The following CCNL2 variants were observed in gnomAD, a reference collection of about 807,000 sequenced individuals.
The protein encoded by CCNL2 is cyclin L2.
Under a neutral mutation model 59.1 loss-of-function variants are expected in CCNL2, and 28 were observed. The ratio of observed to expected loss-of-function variants is 0.47; its 90% CI spans 0.35 to 0.65. CCNL2 has a LOEUF of 0.65. Ranked by LOEUF, CCNL2 falls within the 30% of genes least tolerant of loss-of-function variation. The pLI is 0.00. For missense variants in CCNL2, 714 were observed against 717.4 expected (o/e 1.00, Z 0.05); for synonymous variants, 342 against 288.6 (o/e 1.19, Z -1.88).
At position 1,388,084 on chromosome 1, in the gene CCNL2, G is replaced by A. The variant is rs369333066; in HGVS notation, c.1007-19C>T. 41 of 1,592,308 alleles carry A rather than the reference G, an allele frequency of 2.6e-5. No homozygotes were observed. The highest frequency in any genetic ancestry group is 2.5e-4 in the Admixed American group (15 of 59,960). The stretch of plus-strand genomic sequence containing the variant: ...GATTCCACTAGAATCAGAACAAGAG[G>A]TTAAAAGCCAACCACAAAACACTCT... On this transcript the variant is annotated intron_variant, in intron 8 of 10. Transcript: ENST00000400809.
At chr1:1,393,521 TGTG>T in intron 4 of CCNL2, 61 bp from the exon 5 acceptor site, 1 of 1,436,004 alleles carries the variant, frequency 7.0e-7, no homozygotes, top group South Asian at 1.1e-5. Context: ...ATTCAGATCT[TGTG>T]GGTGTCCATG....
Position 1,386,089 on chromosome 1 carries a change from G to C in CCNL2, c.*1142C>G, listed in dbSNP as rs898434439. On this transcript the variant is annotated 3_prime_UTR_variant, in exon 11 of 11. Transcript: ENST00000400809. The stretch of plus-strand genomic sequence containing the variant: ...CCCCAAAACCAAAACTGTGTCCACG[G>C]TAAGAGGCAGCTGATGACAGTGGGG... The C allele has an allele frequency of 2.0e-5, 3 of 152,408 alleles. No homozygotes were observed. The East Asian group carries it at 5.8e-4, about 29-fold the overall frequency. 9.4% of individuals were successfully genotyped at this position (152,408 alleles called of 1,614,324 possible).
intron 3 of CCNL2, 48 bp downstream of exon 3, chr1:1,398,185 A>G (rs924494943): frequency 3.3e-5 from 52 of 1,557,514 alleles, no homozygotes; most frequent in Non-Finnish European, 4.4e-5. Context: ...AATCAGAAAT[A>G]AAGAAAATAG....
In CCNL2 at chr1:1,387,456, GGAGCCCCGAATCTCA is replaced by G. The variant is rs1326477120; in HGVS notation, c.1323_1337del (p.Glu442_Ser446del). On this transcript the variant is annotated inframe_deletion, in exon 11 of 11. Coordinates refer to ENST00000400809, the MANE Select transcript of CCNL2 (RefSeq NM_030937.6). ...GGTACTTGCAGTCCTTGGACTTCCGGGAGCCCCGAATCTCAGAGCCTTTGTAGGGAGCGCTGCGGG... is the reference window on the plus strand; with the variant it reads ...GGTACTTGCAGTCCTTGGACTTCCGGGAGCCTTTGTAGGGAGCGCTGCGGG... 2 of 1,613,364 alleles carry G rather than the reference GGAGCCCCGAATCTCA, an allele frequency of 1.2e-6. No individual in the cohort carries two copies. Among genetic ancestry groups the G allele is most frequent in the Non-Finnish European group, 1.7e-6 (2 of 1,179,926 alleles).
chr1:1,395,135 C>G (rs142123258), intron 4 of CCNL2: 15 of 421,410 alleles, frequency 3.6e-5, no homozygotes, highest in African/African-American at 2.8e-4. Context: ...CATTTATAAA[C>G]TCACCACTAT....
At position 1,390,832 on chromosome 1, in the gene CCNL2, G is replaced by C; in HGVS notation, c.693C>G (p.Val231=). The change falls in exon 6 of 11, where the codon GTC becomes GTG. Residue 231 remains valine, a synonymous_variant. Coordinates refer to ENST00000400809, the MANE Select transcript of CCNL2 (RefSeq NM_030937.6). The part of the protein sequence containing the change: ...NYMNDSLRTD[V]FVRFQPESIA... ...TGCTCTCTGGCTGGAACCGCACGAA[G>C]ACGTCGGTGCGAAGGCTGTCGTTCA... is the stretch of plus-strand genomic sequence containing the variant. The C allele has an allele frequency of 6.2e-7, 1 of 1,614,194 alleles. No homozygotes were observed. The highest frequency in any genetic ancestry group is 1.1e-5 in the South Asian group (1 of 91,086).
At chr1:1,392,321 C>A in intron 5 of CCNL2, 1 of 989,884 alleles carries the variant, frequency 1.0e-6, no homozygotes, top group Non-Finnish European at 1.2e-6. Context: ...TGAAGTGATA[C>A]AATATTTTTC....
chr1:1,395,677 C>A lies in CCNL2; in HGVS notation c.474-163G>T, dbSNP rs368586687. 6.5e-6 allele frequency: 6 copies of A among 928,114 alleles called. No homozygotes were observed. The African/African-American group carries it at 6.6e-5, about 10-fold the overall frequency. The allele number at this position is 928,114 out of a possible 1,614,324, so 57.5% of individuals were successfully genotyped here. On this transcript the variant is annotated intron_variant, in intron 3 of 10. Transcript: ENST00000400809. ...GAACAAAACTGCACACCGCTCCCCA[C>A]AGCCCAGTGCCAACCTCCTCATCCC...
At chr1:1,398,998 G>A (rs768371172) in intron 1 of CCNL2, 21 bp downstream of exon 1, 7 of 1,578,268 alleles carry the variant, frequency 4.4e-6, no homozygotes, top group South Asian at 1.1e-5. Flanking sequence ...CTGGGCCGGA[G>A]GCTCGCGGCC....
rs1645180651 is a variant in CCNL2, at chr1:1,398,564, T to C, written c.363+33A>G. On this transcript the variant is annotated intron_variant, in intron 2 of 10. Transcript: ENST00000400809. ...CAAACCGTTTTACCCTCAACATACT[T>C]CGCTGGGAATGAAGTGCAGGAGGAA... 3.7e-6 allele frequency: 6 copies of C among 1,606,450 alleles called. No individual in the cohort carries two copies. The East Asian group carries it at 1.3e-4, about 36-fold the overall frequency.
chr1:1,397,034 A>C (rs1373779596), intron 3 of CCNL2, among the ~76,000 whole-genome samples: 1 of 152,126 alleles, frequency 6.6e-6, no homozygotes, highest in Non-Finnish European at 1.5e-5. Context: ...GGCGTGAGCC[A>C]CTGCACCTGG....
intron 4 of CCNL2, among the ~76,000 whole-genome samples, chr1:1,393,708 T>C (rs1644864935): frequency 6.6e-6 from 1 of 152,242 alleles, no homozygotes; most frequent in Non-Finnish European, 1.5e-5. Flanking sequence ...TCGTTCTTCA[T>C]GGGGCTGGTT....
Position 1,390,297 on chromosome 1 carries a change from C to A in CCNL2, c.939G>T (p.Arg313=). The A allele has an allele frequency of 6.2e-7, 1 of 1,613,948 alleles. No homozygotes were observed. The part of the protein sequence containing the change: ...HAIEEAKAQA[R]GLLPGGTQVL... ...CCTGTGTGCCCCCAGGCAACAGGCC[C>A]CGGGCTTGGGCCTTTGCCTCTTCGA... The change falls in exon 8 of 11, where the codon CGG becomes CGT. Residue 313 remains arginine (R), a synonymous_variant. Coordinates refer to ENST00000400809, the MANE Select transcript of CCNL2 (RefSeq NM_030937.6).
chr1:1,391,970 C>T (rs1242083556), intron 5 of CCNL2: 1 of 182,564 alleles, frequency 5.5e-6, no homozygotes, highest in Non-Finnish European at 1.2e-5. Flanking sequence ...TGACCCATGA[C>T]CTTCCAGCAA....
In CCNL2 at chr1:1,387,385, C is replaced by T. The variant is rs201055911; in HGVS notation, c.1409G>A (p.Arg470Gln). The T allele has an allele frequency of 6.2e-5, 100 of 1,614,184 alleles. No individual in the cohort carries two copies. Among genetic ancestry groups the T allele is most frequent in the African/African-American group, 5.2e-4 (39 of 75,068 alleles). Reference protein sequence around the residue: ...KSRSRSSSRSRSRSRERADNP... With the variant: ...KSRSRSSSRSQSRSRERADNP... ...ATCCGCCCGCTCCCGTGACCTGCTT[C>T]GAGAACGGGAAGAACTCCGGCTCCG... Residue 470 changes from arginine to glutamine, a missense_variant, in exon 11 of 11, where the codon CGA (arginine) becomes CAA (glutamine). Coordinates refer to ENST00000400809, the MANE Select transcript of CCNL2 (RefSeq NM_030937.6).
intron 5 of CCNL2, chr1:1,391,559 C>T: frequency 1.5e-6 from 2 of 1,305,170 alleles, no homozygotes; most frequent in South Asian, 2.5e-5. Flanking sequence ...GCCAACTGTC[C>T]CATTTCAACA....
At chr1:1,391,611 AATACTGAGAAGCAACATG>A (rs776009359) in intron 5 of CCNL2, 52 of 1,219,476 alleles carry the variant, frequency 4.3e-5, no homozygotes, top group East Asian at 1.1e-4. Context: ...GAAGCAACAC[AATACTGAGAAGCAACATG>A]ATACTGAGAA....
chr1:1,392,902 C>G, intron 5 of CCNL2: 1 of 1,209,606 alleles, frequency 8.3e-7, no homozygotes, highest in Non-Finnish European at 1.2e-6. Flanking sequence ...ATGACCCTTA[C>G]AGACTTAACT....
At chr1:1,398,542 A>T (rs1252023708) in intron 2 of CCNL2, 55 bp downstream of exon 2, 45 of 1,592,418 alleles carry the variant, frequency 2.8e-5, no homozygotes, top group Non-Finnish European at 3.7e-5. Context: ...AAAGTAACAA[A>T]CCGTTTTACC....
Sources: gnomAD v4.1 joint callset for allele counts (sites outside exome capture counted in the v4.1 genomes callset) on GRCh38, gnomAD v4.1.1 for gene constraint, MANE v1.5 for transcripts, NCBI Gene and HGNC (gene_info 2026-07-23, HGNC 2026-07-21) for gene names.